Variants in CCDC171 observed in about 807,000 individuals in gnomAD.
The protein encoded by CCDC171 is coiled-coil domain-containing protein 171.
Under a neutral mutation model 168.2 loss-of-function variants are expected in CCDC171, and 177 were observed. The observed-to-expected ratio is 1.05, with a 90% CI of 0.93 to 1.19. The LOEUF (loss-of-function observed/expected upper bound fraction) is 1.19. Ranked by LOEUF, CCDC171 falls within the 50% of genes most tolerant of loss-of-function variation. The pLI, the probability that CCDC171 is intolerant of heterozygous loss-of-function variation, is 0.00. For missense variants in CCDC171, 1,991 were observed against 1,539.0 expected, an observed-to-expected ratio of 1.29 and a Z score of -4.91; for synonymous variants, 687 against 540.8, an observed-to-expected ratio of 1.27 and a Z score of -3.75.
chr9:15,740,218 T>C (rs2054772919), intron 16 of CCDC171, among the ~76,000 whole-genome samples: 4 of 152,180 alleles, frequency 2.6e-5, no homozygotes, highest in Admixed American at 2.6e-4. Flanking sequence ...TTTACTTATG[T>C]ATAAAATGTC....
chr9:15,878,531 G>A (rs1818165293), intron 24 of CCDC171, among the ~76,000 whole-genome samples: 1 of 152,192 alleles, frequency 6.6e-6, no homozygotes, highest in African/African-American at 2.4e-5. Context: ...CTGTTGGTGG[G>A]AGTGTAAATT....
intron 25 of CCDC171, among the ~76,000 whole-genome samples, chr9:15,962,321 G>A (rs1244853061): frequency 6.6e-6 from 1 of 152,098 alleles, no homozygotes; most frequent in Non-Finnish European, 1.5e-5. Flanking sequence ...TCACCGCGTA[G>A]CTATAGCCTA....
At chr9:15,608,662 G>C (rs2043400534) in intron 6 of CCDC171, among the ~76,000 whole-genome samples, 1 of 151,220 alleles carries the variant, frequency 6.6e-6, no homozygotes. Flanking sequence ...TGATTAATAG[G>C]AACTTTTGGC....
At chr9:15,734,406 C>T (rs921170351) in intron 16 of CCDC171, among the ~76,000 whole-genome samples, 15 of 152,164 alleles carry the variant, frequency 9.9e-5, no homozygotes, top group African/African-American at 2.6e-4. Flanking sequence ...GGCGTGGTGG[C>T]GCATGCCTGT....
intron 4 of CCDC171, chr9:15,587,702 A>C: frequency 4.4e-6 from 2 of 456,548 alleles, no homozygotes; most frequent in Non-Finnish European, 8.8e-6. Flanking sequence ...TGGTGGGTAT[A>C]TTAGTGTATA....
At chr9:15,642,343 G>GTGTGTGTATATA (rs1369419679) in intron 7 of CCDC171, among the ~76,000 whole-genome samples, 2 of 107,562 alleles carry the variant, frequency 1.9e-5, no homozygotes, top group Admixed American at 8.4e-5. Flanking sequence ...GTGTGTGTGT[G>GTGTGTGTATATA]TATATATATA....
chr9:15,900,189 A>G (rs1401127976), intron 24 of CCDC171, among the ~76,000 whole-genome samples: 1 of 152,200 alleles, frequency 6.6e-6, no homozygotes, highest in Non-Finnish European at 1.5e-5. Context: ...TTACTCATCA[A>G]AAGAGATTGT....
chr9:15,584,384 G>C (rs2041387718), intron 4 of CCDC171, among the ~76,000 whole-genome samples: 1 of 152,136 alleles, frequency 6.6e-6, no homozygotes, highest in South Asian at 2.1e-4. Flanking sequence ...AGATGACATG[G>C]GAGCCTCCAG....
At chr9:15,941,288 T>C (rs1827704209) in intron 25 of CCDC171, among the ~76,000 whole-genome samples, 1 of 152,040 alleles carries the variant, frequency 6.6e-6, no homozygotes, top group African/African-American at 2.4e-5. Flanking sequence ...AGTTAGTGTA[T>C]TGGTTAATGG....
chr9:15,642,341 GTGTATATATATATATA>G (rs1259921393), intron 7 of CCDC171, among the ~76,000 whole-genome samples: 71 of 40,960 alleles, frequency 1.7e-3, no homozygotes, highest in Middle Eastern at 0.015. Flanking sequence ...ACGTGTGTGT[GTGTATATATATATATA>G]TATATATATA....
intron 18 of CCDC171, among the ~76,000 whole-genome samples, chr9:15,771,982 G>A (rs1033769616): frequency 2.0e-5 from 3 of 152,064 alleles, no homozygotes; most frequent in African/African-American, 7.2e-5. Flanking sequence ...ACAGGCATGT[G>A]CCACCACATT....
intron 25 of CCDC171, among the ~76,000 whole-genome samples, chr9:15,951,586 C>T (rs145437198): frequency 6.6e-6 from 1 of 151,942 alleles, no homozygotes; most frequent in East Asian, 1.9e-4. Context: ...GAGGTAGTAT[C>T]TCATTGTAGG....
rs543341567 is a variant in CCDC171, at chr9:15,579,679, A to G, written c.352+656A>G. On this transcript the variant is annotated intron_variant, in intron 4 of 25. Transcript: ENST00000380701. ...GATGACTACTATACTGGTTTTTAAT[A>G]GTGTAGATTAATTTTGCCACTTTTT... Among the ~76,000 whole-genome samples the G allele has an allele frequency of 5.1e-4, 77 of 152,320 alleles. No homozygotes were observed. The South Asian group carries it at 0.015, about 30-fold the overall frequency.
intron 10 of CCDC171, among the ~76,000 whole-genome samples, chr9:15,683,202 G>T (rs1587939807): frequency 6.6e-6 from 1 of 151,938 alleles, no homozygotes; most frequent in African/African-American, 2.4e-5. Context: ...ATTCTCTAAA[G>T]AACTTGTGAT....
At position 15,790,456 on chromosome 9, in the gene CCDC171, T is replaced by A. The variant is rs10756705; in HGVS notation, c.3267+5762T>A. Among the ~76,000 whole-genome samples the A allele has an allele frequency of 1.4e-3, 215 of 152,152 alleles. 1 individual carries two copies. The highest frequency in any genetic ancestry group is 5.0e-3 in the African/African-American group (206 of 41,504). On this transcript the variant is annotated intron_variant, in intron 21 of 25. Coordinates refer to ENST00000380701, the MANE Select transcript of CCDC171 (RefSeq NM_173550.4). The stretch of plus-strand genomic sequence containing the variant: ...TTTGATGCGGTTGTTTGTTTTTTTC[T>A]TGTAAATTTGTTTGAGTTCTTTATA...
chr9:15,729,346 T>G (rs1177872667), intron 15 of CCDC171, among the ~76,000 whole-genome samples: 1 of 152,146 alleles, frequency 6.6e-6, no homozygotes, highest in African/African-American at 2.4e-5. Flanking sequence ...TCAAATTAAT[T>G]ATAGAATAAG....
the CCDC171 span, among the ~76,000 whole-genome samples, chr9:16,095,790 A>G: frequency 4.8e-4 from 73 of 150,964 alleles, no homozygotes; most frequent in African/African-American, 1.8e-3. Context: ...TTAATACTTC[A>G]TAGGGCTATT....
At chr9:15,705,091 G>GACAC (rs3082789) in intron 11 of CCDC171, among the ~76,000 whole-genome samples, 10,209 of 147,686 alleles carry the variant, frequency 0.069, 1,052 homozygotes, top group African/African-American at 0.23. Flanking sequence ...GTATCCTTAC[G>GACAC]ACACACACAC....
intron 14 of CCDC171, 33 bp from the exon 15 acceptor site, chr9:15,727,836 C>T (rs746249684): frequency 6.4e-7 from 1 of 1,562,048 alleles, no homozygotes; most frequent in East Asian, 2.3e-5. Flanking sequence ...TGTTTATATA[C>T]AGCAATTAAT....
Sources: gnomAD v4.1 joint callset for allele counts (sites outside exome capture counted in the v4.1 genomes callset) on GRCh38, gnomAD v4.1.1 for gene constraint, MANE v1.5 for transcripts, NCBI Gene and HGNC (gene_info 2026-07-23, HGNC 2026-07-21) for gene names.